RARB: variants seen among roughly 807,000 people sequenced by gnomAD.
RARB encodes retinoic acid receptor beta.
In RARB, 17 loss-of-function variants were observed where a neutral mutation model predicts 51.9. The ratio of observed to expected loss-of-function variants is 0.33; its 90% CI spans 0.22 to 0.49. RARB has a LOEUF of 0.49. Ranked by LOEUF, RARB falls within the 20% of genes least tolerant of loss-of-function variation. The probability of loss-of-function intolerance (pLI) is 0.99; values close to 1 mark genes in which losing one functional copy is unlikely to be tolerated. For missense variants in RARB, 369 were observed against 550.8 expected (o/e 0.67, Z 3.30); for synonymous variants, 215 against 195.4 (o/e 1.10, Z -0.84).
chr3:25,580,200 C>A (rs1308534169), intron 4 of RARB, among the ~76,000 whole-genome samples: 1 of 152,092 alleles, frequency 6.6e-6, no homozygotes, highest in African/African-American at 2.4e-5. Flanking sequence ...CGGTGAAACC[C>A]TGGCTCTGCT....
chr3:25,129,508 C>T (rs923841487), intron 3 of RARB, among the ~76,000 whole-genome samples: 3 of 152,026 alleles, frequency 2.0e-5, no homozygotes, highest in Non-Finnish European at 4.4e-5. Context: ...TCAATAGCCT[C>T]ATTTAAACTT....
intron 5 of RARB, among the ~76,000 whole-genome samples, chr3:25,258,082 G>C (rs187276601): frequency 6.6e-6 from 1 of 152,068 alleles, no homozygotes; most frequent in Non-Finnish European, 1.5e-5. Flanking sequence ...CTTTAAGGCA[G>C]TGCCACAGAA....
chr3:25,561,099 A>G (rs1485376492), intron 3 of RARB, among the ~76,000 whole-genome samples: 1 of 152,220 alleles, frequency 6.6e-6, no homozygotes, highest in African/African-American at 2.4e-5. Flanking sequence ...AGTACAATAA[A>G]TGACGAGCTA....
At chr3:25,568,933 A>G (rs1700602307) in intron 3 of RARB, among the ~76,000 whole-genome samples, 1 of 152,252 alleles carries the variant, frequency 6.6e-6, no homozygotes, top group Non-Finnish European at 1.5e-5. Flanking sequence ...AAGTCATCCC[A>G]GAGGTCTGTG....
chr3:25,251,353 G>C (rs1484023271), intron 5 of RARB, among the ~76,000 whole-genome samples: 4 of 151,878 alleles, frequency 2.6e-5, no homozygotes, highest in Admixed American at 2.6e-4. Context: ...TTTTTTCATG[G>C]ACATATGTTT....
intron 3 of RARB, among the ~76,000 whole-genome samples, chr3:25,070,761 G>A (rs987700467): frequency 1.3e-5 from 2 of 152,210 alleles, no homozygotes; most frequent in Admixed American, 6.5e-5. Flanking sequence ...CTCAAGGTAT[G>A]TTCAGGTATT....
At chr3:25,569,259 C>T (rs1198891480) in intron 3 of RARB, among the ~76,000 whole-genome samples, 3 of 152,238 alleles carry the variant, frequency 2.0e-5, no homozygotes, top group Non-Finnish European at 4.4e-5. Context: ...TATCTCCTCT[C>T]AGATGAGTTT....
At chr3:25,138,225 C>G (rs1374358930) in intron 4 of RARB, among the ~76,000 whole-genome samples, 2 of 152,040 alleles carry the variant, frequency 1.3e-5, no homozygotes, top group African/African-American at 2.4e-5. Flanking sequence ...CAAATTACCA[C>G]TGTACATAGA....
chr3:25,078,534 A>ATTTTTTTTTTTTTTTTTTTTT (rs56349106), intron 3 of RARB, among the ~76,000 whole-genome samples: 1 of 141,290 alleles, frequency 7.1e-6, no homozygotes, highest in Non-Finnish European at 1.5e-5. Context: ...CCAACTTTCT[A>ATTTTTTTTTTTTTTTTTTTTT]TTTTTTTTTT....
chr3:25,546,708 AAAG>A (rs1480177727), intron 3 of RARB, among the ~76,000 whole-genome samples: 5 of 152,208 alleles, frequency 3.3e-5, no homozygotes, highest in South Asian at 2.1e-4. Context: ...GGAAATTTGC[AAAG>A]AAGAAGACTC....
chr3:25,305,353 T>C (rs1381459044), intron 5 of RARB, among the ~76,000 whole-genome samples: 2 of 152,058 alleles, frequency 1.3e-5, no homozygotes, highest in African/African-American at 2.4e-5. Flanking sequence ...AGAGCCAAGA[T>C]GGAAGCCAAG....
At chr3:25,128,684 G>A (rs1575173386) in intron 3 of RARB, among the ~76,000 whole-genome samples, 2 of 151,810 alleles carry the variant, frequency 1.3e-5, no homozygotes, top group East Asian at 3.9e-4. Context: ...TGGTCCCCGT[G>A]TAGTTATACA....
chr3:25,270,438 G>A (rs1485083907), intron 5 of RARB, among the ~76,000 whole-genome samples: 3 of 152,106 alleles, frequency 2.0e-5, no homozygotes, highest in Non-Finnish European at 4.4e-5. Context: ...CAAATTCATA[G>A]AGATCTGTAC....
chr3:25,577,061 A>C (rs1049667566), intron 4 of RARB, among the ~76,000 whole-genome samples: 1 of 152,196 alleles, frequency 6.6e-6, no homozygotes, highest in Non-Finnish European at 1.5e-5. Context: ...TCACAGATGC[A>C]ACCACAGGCT....
intron 5 of RARB, among the ~76,000 whole-genome samples, chr3:25,270,780 T>A (rs1703239099): frequency 6.6e-6 from 1 of 152,216 alleles, no homozygotes; most frequent in Admixed American, 6.5e-5. Context: ...TCAGAAAAAT[T>A]AAGTGGTGTG....
chr3:25,451,543 T>A (rs1469886385), intron 1 of RARB, among the ~76,000 whole-genome samples: 1 of 152,224 alleles, frequency 6.6e-6, no homozygotes, highest in African/African-American at 2.4e-5. Flanking sequence ...CAGAAAAATT[T>A]CTTTGCAGCA....
chr3:25,016,323 A>G (rs1697508733), intron 2 of RARB, among the ~76,000 whole-genome samples: 2 of 152,212 alleles, frequency 1.3e-5, no homozygotes, highest in African/African-American at 4.8e-5. Flanking sequence ...TTTGCCACTC[A>G]TAAGGTTTTG....
chr3:25,130,435 C>G (rs1007454927), intron 3 of RARB, among the ~76,000 whole-genome samples: 4 of 152,030 alleles, frequency 2.6e-5, no homozygotes, highest in East Asian at 3.9e-4. Flanking sequence ...TTCTAAGGAG[C>G]TGTGTTCCTA....
chr3:24,860,688 C>A (rs560253822), intron 2 of RARB, among the ~76,000 whole-genome samples: 1 of 152,104 alleles, frequency 6.6e-6, no homozygotes, highest in Admixed American at 6.6e-5. Context: ...TAAATCATTG[C>A]AAGCTTTTTC....
Sources: gnomAD v4.1 joint callset for allele counts (sites outside exome capture counted in the v4.1 genomes callset) on GRCh38, gnomAD v4.1.1 for gene constraint, MANE v1.5 for transcripts, NCBI Gene and HGNC (gene_info 2026-07-23, HGNC 2026-07-21) for gene names.